The following ANTXR1 variants were observed in gnomAD, a reference collection of about 807,000 sequenced individuals.
ANTXR1 encodes anthrax toxin receptor 1.
ANTXR1 carries 19 observed loss-of-function variants against 78.1 expected under a neutral mutation model. The ratio of observed to expected loss-of-function variants is 0.24; its 90% confidence interval spans 0.17 to 0.36. The LOEUF is 0.36. Among genes scored for constraint, ANTXR1 ranks in the 10% least tolerant of loss-of-function variants. ANTXR1 has a pLI of 1.00. For synonymous variants in ANTXR1, 273 were observed against 260.5 expected, an observed-to-expected ratio of 1.05 and a Z score of -0.46; for missense variants, 518 against 718.6, an observed-to-expected ratio of 0.72 and a Z score of 3.19.
chr2:69,138,115 AAAAAG>A (rs1215692399), intron 12 of ANTXR1, among the ~76,000 whole-genome samples: 1 of 151,776 alleles, frequency 6.6e-6, no homozygotes, highest in Non-Finnish European at 1.5e-5. Context: ...AAAAGAAAGA[AAAAAG>A]AAAAAAAAAT....
At chr2:69,170,345 G>T in intron 14 of ANTXR1, 56 bp downstream of exon 14, 1 of 1,604,362 alleles carries the variant, frequency 6.2e-7, no homozygotes, top group South Asian at 1.1e-5. Context: ...GTAGGGTGGA[G>T]AGCTGGCTGG....
rs147959058 is a variant in ANTXR1, at chr2:69,245,344, G to T, written c.1554G>T (p.Ala518=). Residue 518 remains alanine (A), a synonymous_variant, in exon 18 of 18, where the codon GCG becomes GCT. Coordinates refer to ENST00000303714, the MANE Select transcript of ANTXR1 (RefSeq NM_032208.3). ...CCATCTACACTCCCCCACCTCCTGC[G>T]CCCCACTGCCCTCCCCCGCCCCCCA... The part of the protein sequence containing the change: ...PAPIYTPPPP[A]PHCPPPPPSA... 1.4e-6 allele frequency: 2 copies of T among 1,445,456 alleles called. No homozygotes were observed. The highest frequency in any genetic ancestry group is 1.8e-4 in the Middle Eastern group (1 of 5,650). 89.5% of individuals were successfully genotyped at this position (1,445,456 alleles called of 1,614,324 possible). A position where few individuals can be genotyped will look rare whatever the true frequency, so the allele number is the denominator to read the frequency against.
intron 12 of ANTXR1, among the ~76,000 whole-genome samples, chr2:69,137,963 A>C (rs1672962417): frequency 6.6e-6 from 1 of 151,880 alleles, no homozygotes; most frequent in African/African-American, 2.4e-5. Flanking sequence ...GGACACCTGT[A>C]ATCTCAGCTA....
At chr2:69,063,363 A>T (rs968518550) in intron 3 of ANTXR1, among the ~76,000 whole-genome samples, 1 of 152,136 alleles carries the variant, frequency 6.6e-6, no homozygotes, top group African/African-American at 2.4e-5. Flanking sequence ...AATCCAGAGA[A>T]TGAAGGTCCA....
At chr2:69,104,631 C>T (rs990957356) in intron 10 of ANTXR1, among the ~76,000 whole-genome samples, 4 of 152,170 alleles carry the variant, frequency 2.6e-5, no homozygotes, top group Non-Finnish European at 4.4e-5. Context: ...TCAGAAACTC[C>T]TGAAGGTTTA....
chr2:69,162,448 A>C (rs1673705221), intron 13 of ANTXR1, among the ~76,000 whole-genome samples: 1 of 152,172 alleles, frequency 6.6e-6, no homozygotes, highest in South Asian at 2.1e-4. Flanking sequence ...GAGGTTTTGT[A>C]AATTGGAAGC....
chr2:69,229,266 A>T (rs543967941), intron 17 of ANTXR1, among the ~76,000 whole-genome samples: 264 of 152,284 alleles, frequency 1.7e-3, no homozygotes, highest in African/African-American at 5.2e-3. Flanking sequence ...GTTCTTTTTT[A>T]AAAAAATTAA....
At chr2:69,158,214 A>T (rs955158257) in intron 13 of ANTXR1, among the ~76,000 whole-genome samples, 4 of 152,240 alleles carry the variant, frequency 2.6e-5, no homozygotes, top group Non-Finnish European at 5.9e-5. Flanking sequence ...AAGTGGATGG[A>T]GGACCAACTG....
At position 69,075,553 on chromosome 2, in the gene ANTXR1, G is replaced by C. The variant is rs777543226; in HGVS notation, c.493-37G>C. On this transcript the variant is annotated intron_variant, in intron 6 of 17. Transcript: ENST00000303714. The stretch of plus-strand genomic sequence containing the variant: ...CTCCAAGAGGAGTTCATTTGTCACT[G>C]CTTCTCTTTCTAATGTCCTTTCTTT... 2.5e-6 allele frequency: 4 copies of C among 1,605,246 alleles called. No individual in the cohort carries two copies. The South Asian group carries it at 4.4e-5, about 18-fold the overall frequency.
At chr2:69,069,759 T>G (rs1362818309) in intron 3 of ANTXR1, among the ~76,000 whole-genome samples, 3 of 152,194 alleles carry the variant, frequency 2.0e-5, no homozygotes. Flanking sequence ...GGATGCTCAA[T>G]AAATGTTAGA....
At chr2:69,084,722 C>G (rs1055435772) in intron 8 of ANTXR1, among the ~76,000 whole-genome samples, 3 of 151,200 alleles carry the variant, frequency 2.0e-5, no homozygotes, top group Non-Finnish European at 4.4e-5. Context: ...TGAGCCACTG[C>G]ACGTGGCCAT....
chr2:69,175,834 A>T (rs143930618), intron 14 of ANTXR1, among the ~76,000 whole-genome samples: 1 of 152,218 alleles, frequency 6.6e-6, no homozygotes, highest in East Asian at 1.9e-4. Flanking sequence ...TTATTTTCAG[A>T]TTTATTATTA....
At chr2:69,169,532 T>C (rs1304949811) in intron 13 of ANTXR1, among the ~76,000 whole-genome samples, 1 of 152,254 alleles carries the variant, frequency 6.6e-6, no homozygotes, top group Non-Finnish European at 1.5e-5. Context: ...TTATCCCATG[T>C]GTCATCATTC....
intron 12 of ANTXR1, among the ~76,000 whole-genome samples, chr2:69,148,094 G>A (rs1360278555): frequency 3.3e-5 from 5 of 152,186 alleles, no homozygotes; most frequent in Non-Finnish European, 7.3e-5. Context: ...AGTGTCAACA[G>A]CATTTGCTTT....
chr2:69,162,249 A>T (rs981878863), intron 13 of ANTXR1, among the ~76,000 whole-genome samples: 1 of 152,174 alleles, frequency 6.6e-6, no homozygotes, highest in Non-Finnish European at 1.5e-5. Flanking sequence ...TATCTCAGTA[A>T]CCTAGATGTT....
chr2:69,117,625 T>C (rs1476418334), intron 10 of ANTXR1, among the ~76,000 whole-genome samples: 1 of 152,244 alleles, frequency 6.6e-6, no homozygotes, highest in African/African-American at 2.4e-5. Flanking sequence ...TTTTAATGTT[T>C]AATCCCTCTG....
Position 69,200,164 on chromosome 2 carries a change from G to A in ANTXR1, c.1434+6749G>A, listed in dbSNP as rs953552781. Among the ~76,000 whole-genome samples, 8 of 152,240 alleles carry A rather than the reference G, an allele frequency of 5.3e-5. No individual in the cohort carries two copies. The South Asian group carries it at 1.7e-3, about 32-fold the overall frequency. The stretch of plus-strand genomic sequence containing the variant: ...TGGATGTCATCTGTTTTCAGATCTG[G>A]CATCAGGAGGCCGGTACATTCCATT... On this transcript the variant is annotated intron_variant, in intron 17 of 17. Transcript: ENST00000303714.
intron 17 of ANTXR1, among the ~76,000 whole-genome samples, chr2:69,209,251 C>G (rs1224174623): frequency 2.6e-5 from 4 of 152,140 alleles, no homozygotes. Flanking sequence ...CAAAAAGGAA[C>G]CTGAGTTGAC....
chr2:69,033,582 G>T (rs567602640), intron 1 of ANTXR1, among the ~76,000 whole-genome samples: 1 of 152,342 alleles, frequency 6.6e-6, no homozygotes, highest in African/African-American at 2.4e-5. Context: ...AATCAAGTGT[G>T]AGTCCCACTT....
Sources: allele counts gnomAD v4.1 joint callset (sites outside exome capture counted in the v4.1 genomes callset), GRCh38; gene constraint gnomAD v4.1.1; transcripts MANE v1.5; gene names NCBI Gene and HGNC (gene_info 2026-07-23, HGNC 2026-07-21).